The following TNFAIP8 variants were observed in gnomAD, a reference collection of about 807,000 sequenced individuals.
The protein encoded by TNFAIP8 is tumor necrosis factor alpha-induced protein 8.
In TNFAIP8, 7 loss-of-function variants were observed where a neutral mutation model predicts 13.3. The ratio of observed to expected loss-of-function variants is 0.52; its 90% CI spans 0.30 to 0.99. The LOEUF (loss-of-function observed/expected upper bound fraction) is 0.99. TNFAIP8 is among the 50% of genes least tolerant of loss of function. TNFAIP8 has a pLI of 0.07. For missense variants in TNFAIP8, 258 were observed against 236.9 expected, an observed-to-expected ratio of 1.09 and a Z score of -0.58; for synonymous variants, 94 against 87.6, an observed-to-expected ratio of 1.07 and a Z score of -0.41.
chr5:119,335,538 C>A (rs1243039275), intron 1 of TNFAIP8, among the ~76,000 whole-genome samples: 1 of 152,034 alleles, frequency 6.6e-6, no homozygotes, highest in African/African-American at 2.4e-5. Context: ...GTTACAGAGT[C>A]CATCCCAATG....
At chr5:119,388,969 ACT>A (rs1752788039) in intron 1 of TNFAIP8, among the ~76,000 whole-genome samples, 1 of 151,642 alleles carries the variant, frequency 6.6e-6, no homozygotes, top group Non-Finnish European at 1.5e-5. Context: ...ATTTCTTGAA[ACT>A]CTGGCTGATA....
At chr5:119,325,496 G>T (rs551970153) in intron 1 of TNFAIP8, among the ~76,000 whole-genome samples, 2 of 152,316 alleles carry the variant, frequency 1.3e-5, no homozygotes, top group African/African-American at 4.8e-5. Flanking sequence ...CGCCCAGGCT[G>T]GAGTGTAGTG....
chr5:119,379,331 T>C (rs779603042), intron 1 of TNFAIP8, among the ~76,000 whole-genome samples: 4 of 152,210 alleles, frequency 2.6e-5, no homozygotes, highest in African/African-American at 4.8e-5. Context: ...ACCTGTACCT[T>C]ACTTGTCAAG....
intron 1 of TNFAIP8, among the ~76,000 whole-genome samples, chr5:119,323,691 A>C (rs998580783): frequency 6.6e-6 from 1 of 152,172 alleles, no homozygotes; most frequent in African/African-American, 2.4e-5. Context: ...AATCAGTTGT[A>C]ATCTGTGTTC....
At chr5:119,284,862 A>C (rs1392388027) in intron 1 of TNFAIP8, among the ~76,000 whole-genome samples, 1 of 152,212 alleles carries the variant, frequency 6.6e-6, no homozygotes, top group Non-Finnish European at 1.5e-5. Context: ...AAGGGACAAG[A>C]AGAAGGGAGG....
At chr5:119,321,883 T>C (rs1750068608) in intron 1 of TNFAIP8, among the ~76,000 whole-genome samples, 1 of 152,130 alleles carries the variant, frequency 6.6e-6, no homozygotes, top group African/African-American at 2.4e-5. Context: ...AGCTACAGGC[T>C]CCCCTTCATG....
In TNFAIP8 at chr5:119,396,716, G is replaced by A. The variant is rs2062729936; in HGVS notation, c.*3335G>A. On this transcript the variant is annotated 3_prime_UTR_variant, in exon 2 of 2. Coordinates refer to ENST00000504771, the MANE Select transcript of TNFAIP8 (RefSeq NM_014350.4). ...TAGTTTAAGAGTAAAGCATGGGGTG[G>A]GTGCGGTGGCTTATGCTTGTAAGCC... The A allele has an allele frequency of 6.6e-6, 1 of 152,104 alleles. No individual in the cohort carries two copies. The highest frequency in any genetic ancestry group is 1.5e-5 in the Non-Finnish European group (1 of 68,022). The allele number at this position is 152,104 out of a possible 1,614,324, so 9.4% of individuals were successfully genotyped here.
intron 1 of TNFAIP8, among the ~76,000 whole-genome samples, chr5:119,297,295 G>A (rs1360402911): frequency 6.6e-6 from 1 of 151,668 alleles, no homozygotes; most frequent in Non-Finnish European, 1.5e-5. Context: ...CAGAGATTCT[G>A]GTATGTTGTG....
chr5:119,343,218 C>T (rs1292304352), intron 1 of TNFAIP8, among the ~76,000 whole-genome samples: 1 of 152,140 alleles, frequency 6.6e-6, no homozygotes, highest in African/African-American at 2.4e-5. Context: ...GGACTTCTAC[C>T]GGGGATGTTT....
At chr5:119,278,760 C>T (rs569277408) in intron 1 of TNFAIP8, among the ~76,000 whole-genome samples, 17 of 152,206 alleles carry the variant, frequency 1.1e-4, no homozygotes, top group South Asian at 4.2e-4. Flanking sequence ...AACTAACCAC[C>T]CATGATGGTA....
chr5:119,295,857 G>T (rs1273398168), intron 1 of TNFAIP8, among the ~76,000 whole-genome samples: 1 of 151,904 alleles, frequency 6.6e-6, no homozygotes, highest in Non-Finnish European at 1.5e-5. Context: ...TCCCTTGTAA[G>T]TTGGATTCCT....
At chr5:119,292,691 C>T (rs1189349365) in intron 1 of TNFAIP8, among the ~76,000 whole-genome samples, 29,224 of 47,642 alleles carry the variant, frequency 0.61, 10,031 homozygotes, top group East Asian at 0.76. Context: ...TATATACACA[C>T]ACACACAATG....
At chr5:119,362,415 G>A (rs1026951638) in intron 1 of TNFAIP8, among the ~76,000 whole-genome samples, 56 of 152,152 alleles carry the variant, frequency 3.7e-4, no homozygotes, top group African/African-American at 1.3e-3. Flanking sequence ...TGTGAGTCAG[G>A]AGACTGATCC....
chr5:119,327,717 C>T (rs1403964576), intron 1 of TNFAIP8, among the ~76,000 whole-genome samples: 2 of 152,176 alleles, frequency 1.3e-5, no homozygotes, highest in African/African-American at 4.8e-5. Context: ...CCTCAGCCTC[C>T]CAAAGTGCTG....
Position 119,395,716 on chromosome 5 carries a change from T to A in TNFAIP8, c.*2335T>A, listed in dbSNP as rs1297380840. 1.3e-5 allele frequency: 2 copies of A among 152,180 alleles called. No individual in the cohort carries two copies. The highest frequency in any genetic ancestry group is 1.3e-4 in the Admixed American group (2 of 15,282). The allele number at this position is 152,180 out of a possible 1,614,324, so 9.4% of individuals were successfully genotyped here. A position where few individuals can be genotyped will look rare whatever the true frequency, so the allele number is the denominator to read the frequency against. On this transcript the variant is annotated 3_prime_UTR_variant, in exon 2 of 2. Transcript: ENST00000504771. ...CTTGGATCAGGTCCAAAGTCGTGAT[T>A]AGCAAGTTCATTTCTAATACAATAG...
At chr5:119,357,911 T>G (rs749351657) in intron 1 of TNFAIP8, among the ~76,000 whole-genome samples, 6 of 152,076 alleles carry the variant, frequency 3.9e-5, no homozygotes, top group Non-Finnish European at 5.9e-5. Flanking sequence ...TCATATAGCT[T>G]CTGCCAGGAA....
chr5:119,366,284 G>GT (rs1751855225), intron 1 of TNFAIP8, among the ~76,000 whole-genome samples: 1 of 152,158 alleles, frequency 6.6e-6, no homozygotes, highest in Admixed American at 6.5e-5. Flanking sequence ...AGGAGAGAAA[G>GT]TGGGGTGCTG....
intron 1 of TNFAIP8, among the ~76,000 whole-genome samples, chr5:119,269,401 A>C (rs1163886525): frequency 1.3e-5 from 2 of 152,078 alleles, no homozygotes; most frequent in Non-Finnish European, 2.9e-5. Context: ...CTGCTTTGAG[A>C]TCATTCGGTG....
chr5:119,378,688 G>A (rs1429202529), intron 1 of TNFAIP8, among the ~76,000 whole-genome samples: 1 of 152,202 alleles, frequency 6.6e-6, no homozygotes, highest in South Asian at 2.1e-4. Flanking sequence ...AAAGTAGCTG[G>A]TTATTCTGTA....
Sources: allele counts gnomAD v4.1 joint callset (sites outside exome capture counted in the v4.1 genomes callset), GRCh38; gene constraint gnomAD v4.1.1; transcripts MANE v1.5; gene names NCBI Gene and HGNC (gene_info 2026-07-23, HGNC 2026-07-21).